APBA1: variants seen among roughly 807,000 people sequenced by gnomAD.
APBA1 encodes the protein amyloid-beta A4 precursor protein-binding family A member 1.
In APBA1, 55 loss-of-function variants were observed where a neutral mutation model predicts 86.6. The observed-to-expected ratio is 0.64, with a 90% CI of 0.51 to 0.80. The LOEUF is 0.80. APBA1 is among the 30% of genes least tolerant of loss of function. APBA1 has a pLI of 0.00. For synonymous variants in APBA1, 511 were observed against 493.9 expected, an observed-to-expected ratio of 1.03 and a Z score of -0.46; for missense variants, 1,090 against 1,183.0, an observed-to-expected ratio of 0.92 and a Z score of 1.15.
chr9:69,529,229 A>C (rs538397438), intron 1 of APBA1, among the ~76,000 whole-genome samples: 1 of 152,228 alleles, frequency 6.6e-6, no homozygotes, highest in East Asian at 1.9e-4. Flanking sequence ...TGCTAGGGCT[A>C]TACTAAATGA....
intron 2 of APBA1, among the ~76,000 whole-genome samples, chr9:69,482,973 G>A (rs1380595349): frequency 9.1e-6 from 1 of 109,796 alleles, no homozygotes; most frequent in East Asian, 3.3e-4. Context: ...CTGTTGTGGG[G>A]TGGGGGGAGG....
In APBA1 at chr9:69,457,006, C is replaced by T. The variant is rs750011325; in HGVS notation, c.1602+47G>A. 52 of 1,498,036 alleles carry T rather than the reference C, an allele frequency of 3.5e-5. 1 individual carries two copies. In the South Asian group the frequency reaches 4.2e-4, roughly 12 times the overall value. 92.8% of individuals were successfully genotyped at this position (1,498,036 alleles called of 1,614,324 possible). ...TACAGACACATGCATCTCTGAGTTA[C>T]GATGTCACTAAGCTTCACCCTGGGA... On this transcript the variant is annotated intron_variant, in intron 7 of 12. Coordinates refer to ENST00000265381, the MANE Select transcript of APBA1 (RefSeq NM_001163.4).
At chr9:69,593,005 C>G (rs1053802316) in intron 1 of APBA1, among the ~76,000 whole-genome samples, 1 of 152,138 alleles carries the variant, frequency 6.6e-6, no homozygotes, top group African/African-American at 2.4e-5. Flanking sequence ...GCTTCTGCAA[C>G]AAAACAGTAT....
At chr9:69,501,733 C>T (rs1835883542) in intron 2 of APBA1, among the ~76,000 whole-genome samples, 1 of 151,732 alleles carries the variant, frequency 6.6e-6, no homozygotes, top group Non-Finnish European at 1.5e-5. Context: ...TAGGTTGAGG[C>T]AGGAGGATTC....
At chr9:69,636,803 AAGAGAGAGAGAG>A (rs34367635) in intron 1 of APBA1, among the ~76,000 whole-genome samples, 3 of 15,318 alleles carry the variant, frequency 2.0e-4, no homozygotes, top group African/African-American at 4.4e-4. Flanking sequence ...TCAAAAAAAG[AAGAGAGAGAGAG>A]AGAGAGAGAG....
chr9:69,579,605 G>A (rs1821876732), intron 1 of APBA1, among the ~76,000 whole-genome samples: 1 of 152,174 alleles, frequency 6.6e-6, no homozygotes, highest in Non-Finnish European at 1.5e-5. Flanking sequence ...CACACAGCTA[G>A]TAATGGAAGG....
chr9:69,500,081 T>C (rs1489099805), intron 2 of APBA1, among the ~76,000 whole-genome samples: 1 of 152,070 alleles, frequency 6.6e-6, no homozygotes, highest in Non-Finnish European at 1.5e-5. Flanking sequence ...AGACCAACCC[T>C]GGAAGGAAAG....
intron 1 of APBA1, among the ~76,000 whole-genome samples, chr9:69,565,496 T>G (rs1449789295): frequency 6.6e-6 from 1 of 152,158 alleles, no homozygotes; most frequent in African/African-American, 2.4e-5. Context: ...TCCATGGAAC[T>G]TCATACCCCA....
chr9:69,476,017 C>G, intron 3 of APBA1, 31 bp downstream of exon 3: 1 of 1,584,254 alleles, frequency 6.3e-7, no homozygotes, highest in Non-Finnish European at 8.7e-7. Context: ...CAAAATGGCC[C>G]AATGGCTTTG....
chr9:69,628,751 A>C (rs1178823019), intron 1 of APBA1, among the ~76,000 whole-genome samples: 1 of 152,220 alleles, frequency 6.6e-6, no homozygotes, highest in East Asian at 1.9e-4. Context: ...AGCTTGACTT[A>C]AAATTCCTAG....
At chr9:69,563,990 G>A (rs558141423) in intron 1 of APBA1, among the ~76,000 whole-genome samples, 34 of 152,164 alleles carry the variant, frequency 2.2e-4, no homozygotes, top group Admixed American at 8.5e-4. Flanking sequence ...CCCTTTTTCC[G>A]GTGGTGGTGA....
At chr9:69,604,571 A>C (rs1822428218) in intron 1 of APBA1, among the ~76,000 whole-genome samples, 1 of 139,240 alleles carries the variant, frequency 7.2e-6, no homozygotes, top group African/African-American at 2.7e-5. Context: ...CACACACATG[A>C]GGATAAGTGG....
Position 69,516,250 on chromosome 9 carries a change from C to A in APBA1, c.961G>T (p.Gly321Trp). The A allele has an allele frequency of 7.2e-7, 1 of 1,380,064 alleles. No homozygotes were observed. Among genetic ancestry groups the A allele is most frequent in the Non-Finnish European group, 9.3e-7 (1 of 1,071,436 alleles). 85.5% of individuals were successfully genotyped at this position (1,380,064 alleles called of 1,614,324 possible). A position where few individuals can be genotyped will look rare whatever the true frequency, so the allele number is the denominator to read the frequency against. ...PDSPGLQAPAGQQRAVGPAGG... is the reference protein window; with the variant it reads ...PDSPGLQAPAWQQRAVGPAGG... ...GCGGGGCCCACCGCCCGCTGCTGCC[C>A]CGCCGGCGCCTGCAGCCCGGGGCTG... The change falls in exon 2 of 13, where the codon GGG (glycine) becomes TGG (tryptophan). Residue 321 changes from glycine to tryptophan, a missense_variant. Transcript: ENST00000265381. This position sits in a 1 kb window ranked among gnomAD's most constrained non-coding sequence, Gnocchi z 7.3.
rs1836132119 is a variant in APBA1, at chr9:69,515,888, G to C, written c.1200+123C>G. 3 of 1,096,414 alleles carry C rather than the reference G, an allele frequency of 2.7e-6. No homozygotes were observed. The Admixed American group carries it at 8.5e-5, about 31-fold the overall frequency. The allele number at this position is 1,096,414 out of a possible 1,614,324, so 67.9% of individuals were successfully genotyped here. A position where few individuals can be genotyped will look rare whatever the true frequency, so the allele number is the denominator to read the frequency against. ...TGTTTCTGAGGCTTACGGTGGAAAAGTTCTTAGCGTCCCCACAGACTACTT... is the reference window on the plus strand; with the variant it reads ...TGTTTCTGAGGCTTACGGTGGAAAACTTCTTAGCGTCCCCACAGACTACTT... On this transcript the variant is annotated intron_variant, in intron 2 of 12. Transcript: ENST00000265381.
At chr9:69,647,083 C>T (rs1009636055) in intron 1 of APBA1, among the ~76,000 whole-genome samples, 1 of 152,132 alleles carries the variant, frequency 6.6e-6, no homozygotes, top group South Asian at 2.1e-4. Context: ...TTCAGGAACT[C>T]CCTACCAGGA....
Position 69,662,021 on chromosome 9 carries a change from A to AACACACACAC in APBA1, c.-70+10122_-70+10131dup, listed in dbSNP as rs3069250. 7.9e-4 allele frequency among the ~76,000 whole-genome samples: 116 copies of AACACACACAC among 146,758 alleles called. 1 individual carries two copies. Among genetic ancestry groups the AACACACACAC allele is most frequent in the African/African-American group, 2.8e-3 (111 of 39,606 alleles). ...CACTGAATGGACTAAGACAAACAGTAACACACACACACACACACACACACA... is the reference window on the plus strand; with the variant it reads ...CACTGAATGGACTAAGACAAACAGTAACACACACACACACACACACACACACACACACACA... On this transcript the variant is annotated intron_variant, in intron 1 of 12. Coordinates refer to ENST00000265381, the MANE Select transcript of APBA1 (RefSeq NM_001163.4).
chr9:69,640,988 AAGAG>A (rs991269466), intron 1 of APBA1, among the ~76,000 whole-genome samples: 3 of 151,604 alleles, frequency 2.0e-5, no homozygotes, highest in Middle Eastern at 3.4e-3. Flanking sequence ...AAGAAAGAGA[AAGAG>A]AGAGAGAAAT....
chr9:69,581,297 T>A (rs1821909067), intron 1 of APBA1, among the ~76,000 whole-genome samples: 1 of 152,184 alleles, frequency 6.6e-6, no homozygotes, highest in Non-Finnish European at 1.5e-5. Flanking sequence ...AAGTGAAAAG[T>A]AAGAGCAGCC....
chr9:69,481,623 T>G (rs1391815085), intron 2 of APBA1, among the ~76,000 whole-genome samples: 1 of 150,902 alleles, frequency 6.6e-6, no homozygotes, highest in African/African-American at 2.4e-5. Context: ...AAAACTACTT[T>G]AAAGTTCATA....
Sources: allele counts gnomAD v4.1 joint callset (sites outside exome capture counted in the v4.1 genomes callset), GRCh38; gene constraint gnomAD v4.1.1; non-coding constraint Gnocchi (gnomAD v3.1); transcripts MANE v1.5; gene names NCBI Gene and HGNC (gene_info 2026-07-23, HGNC 2026-07-21).